The following ATP9A variants were observed in gnomAD, a reference collection of about 807,000 sequenced individuals.
ATP9A encodes probable phospholipid-transporting ATPase IIA.
In ATP9A, 52 loss-of-function variants were observed where a neutral mutation model predicts 144.1. The observed-to-expected ratio is 0.36, with a 90% CI of 0.29 to 0.45. The LOEUF (loss-of-function observed/expected upper bound fraction) is 0.45, where lower values mean the gene tolerates loss of function less well. Ranked by LOEUF, ATP9A falls within the 20% of genes least tolerant of loss-of-function variation. The pLI is 1.00. For missense variants in ATP9A, 947 were observed against 1,392.7 expected (o/e 0.68, Z 5.09); for synonymous variants, 582 against 557.4 (o/e 1.04, Z -0.62).
In ATP9A at chr20:51,596,599, C is replaced by T. The variant is rs550586875; in HGVS notation, c.*4612G>A. The T allele has an allele frequency of 5.9e-5, 9 of 152,024 alleles. No individual in the cohort carries two copies. The highest frequency in any genetic ancestry group is 1.0e-4 in the Non-Finnish European group (7 of 68,020). 9.4% of individuals were successfully genotyped at this position (152,024 alleles called of 1,614,324 possible). A position where few individuals can be genotyped will look rare whatever the true frequency, so the allele number is the denominator to read the frequency against. On this transcript the variant is annotated 3_prime_UTR_variant, in exon 28 of 28. Transcript: ENST00000338821. ...GACAATAGTACAAAATAATAAATAA[C>T]ATGCATTGATTTGGGGTTTTTTTTG...
chr20:51,693,787 T>C (rs575053790), intron 7 of ATP9A, among the ~76,000 whole-genome samples: 180 of 152,262 alleles, frequency 1.2e-3, no homozygotes, highest in African/African-American at 4.2e-3. Context: ...AGGCTCCTTA[T>C]GGTTTTTAGC....
In ATP9A at chr20:51,625,261, C is replaced by T. The variant is rs762290796; in HGVS notation, c.1947G>A (p.Thr649=). ...LEMEMELLCL[T]GVEDQLQADV... The stretch of plus-strand genomic sequence containing the variant: ...CTGCCTGCAGCTGGTCCTCCACGCC[C>T]GTCAGGCACAGCAGTTCCATCTCCA... Residue 649 remains threonine, a synonymous_variant, in exon 18 of 28, where the codon ACG becomes ACA. Transcript: ENST00000338821. 32 of 1,614,078 alleles carry T rather than the reference C, an allele frequency of 2.0e-5. No homozygotes were observed. Among genetic ancestry groups the T allele is most frequent in the East Asian group, 1.1e-4 (5 of 44,890 alleles).
chr20:51,669,868 T>G, intron 13 of ATP9A, 129 bp downstream of exon 13: 4 of 718,644 alleles, frequency 5.6e-6, no homozygotes, highest in Non-Finnish European at 7.0e-6. Context: ...CTGAATATGC[T>G]TAAAAAAAAA....
intron 13 of ATP9A, among the ~76,000 whole-genome samples, chr20:51,664,543 GCA>G (rs1390002303): frequency 6.6e-6 from 1 of 151,904 alleles, no homozygotes; most frequent in African/African-American, 2.4e-5. Context: ...AGCTGTGATG[GCA>G]CCACTGCACC....
rs1049922624 is a variant in ATP9A at position 51,665,792 on chromosome 20, G to T, written c.1293+4205C>A. On this transcript the variant is annotated intron_variant, in intron 13 of 27. Coordinates refer to ENST00000338821, the MANE Select transcript of ATP9A (RefSeq NM_006045.3). ...GAAAAACCATCACAAGTCCTTAGCT[G>T]GTTATAGTTTTCTCTCCTAATGTGT... Among the ~76,000 whole-genome samples the T allele has an allele frequency of 1.1e-4, 16 of 151,916 alleles. 1 individual carries two copies. In the South Asian group the frequency reaches 1.7e-3, roughly 16 times the overall value.
intron 1 of ATP9A, among the ~76,000 whole-genome samples, chr20:51,755,390 G>A (rs377718276): frequency 8.6e-5 from 13 of 151,786 alleles, no homozygotes; most frequent in East Asian, 1.9e-4. Flanking sequence ...AGCCAAGAAC[G>A]CGCCTCTGCA....
chr20:51,715,604 C>T (rs1326080317), intron 3 of ATP9A, among the ~76,000 whole-genome samples: 2 of 152,182 alleles, frequency 1.3e-5, no homozygotes, highest in Admixed American at 6.6e-5. Flanking sequence ...ATAAATACCA[C>T]CTCCTAAATT....
chr20:51,751,744 C>T (rs1012433110), intron 1 of ATP9A, among the ~76,000 whole-genome samples: 37 of 152,240 alleles, frequency 2.4e-4, no homozygotes, highest in African/African-American at 7.9e-4. Context: ...CCCACCACCA[C>T]GCCCGGCTAA....
Position 51,604,968 on chromosome 20 carries a change from G to A in ATP9A, c.2856C>T (p.His952=). 1.2e-6 allele frequency: 2 copies of A among 1,613,178 alleles called. No homozygotes were observed. Among genetic ancestry groups the A allele is most frequent in the Non-Finnish European group, 8.5e-7 (1 of 1,179,590 alleles). ...GCGAGGTGAAGGAGATGGCCACGAT[G>A]TGCACGAACTCCGACTCAAACAGCA... is the stretch of plus-strand genomic sequence containing the variant. ...ALLLFESEFV[H]IVAISFTSLI... is the part of the protein sequence containing the mutation. The change falls in exon 27 of 28, where the codon CAC becomes CAT. Residue 952 remains histidine (H), a synonymous_variant. Coordinates refer to ENST00000338821, the MANE Select transcript of ATP9A (RefSeq NM_006045.3).
chr20:51,692,059 A>G (rs1416700168), intron 7 of ATP9A, among the ~76,000 whole-genome samples: 1 of 152,252 alleles, frequency 6.6e-6, no homozygotes, highest in Non-Finnish European at 1.5e-5. Context: ...TCATAGAGAC[A>G]GAAAACAGAA....
chr20:51,642,147 T>C (rs2077322158), intron 14 of ATP9A, among the ~76,000 whole-genome samples: 1 of 151,992 alleles, frequency 6.6e-6, no homozygotes, highest in South Asian at 2.1e-4. Flanking sequence ...TGTTTTTTTT[T>C]GTTTGTTTTG....
chr20:51,713,808 A>T (rs1227338804), intron 3 of ATP9A, among the ~76,000 whole-genome samples: 1 of 152,210 alleles, frequency 6.6e-6, no homozygotes, highest in Non-Finnish European at 1.5e-5. Context: ...AATGTTTTCC[A>T]ATTTCCTTAA....
Position 51,661,423 on chromosome 20 carries a change from G to A in ATP9A, c.1294-4273C>T, listed in dbSNP as rs192079272. Among the ~76,000 whole-genome samples the A allele has an allele frequency of 4.0e-5, 6 of 151,374 alleles. No homozygotes were observed. In the East Asian group the frequency reaches 1.2e-3, roughly 29 times the overall value. On this transcript the variant is annotated intron_variant, in intron 13 of 27. Coordinates refer to ENST00000338821, the MANE Select transcript of ATP9A (RefSeq NM_006045.3). Reference sequence around the variant, plus strand: ...CTGTTGCCCAGGCTGGAGTGAAGAGGCATGATCACAGCTCACTGCAGCCTC... The same window carrying A: ...CTGTTGCCCAGGCTGGAGTGAAGAGACATGATCACAGCTCACTGCAGCCTC...
Position 51,736,533 on chromosome 20 carries a change from T to A in ATP9A, c.69-6555A>T, listed in dbSNP as rs2077763413. 2.0e-5 allele frequency among the ~76,000 whole-genome samples: 3 copies of A among 152,082 alleles called. No homozygotes were observed. In the South Asian group the frequency reaches 6.2e-4, roughly 32 times the overall value. On this transcript the variant is annotated intron_variant, in intron 1 of 27. Transcript: ENST00000338821. ...TTTGTTTTTGTTTTTTTTTCCTTTTTCTGGAGAACGAGGTCTCGCTATATT... is the reference window on the plus strand; with the variant it reads ...TTTGTTTTTGTTTTTTTTTCCTTTTACTGGAGAACGAGGTCTCGCTATATT...
chr20:51,731,481 G>A (rs981653836), intron 1 of ATP9A, among the ~76,000 whole-genome samples: 3 of 152,046 alleles, frequency 2.0e-5, no homozygotes, highest in Admixed American at 6.6e-5. Context: ...ACTTTGGGAG[G>A]CCGAGGCAGG....
intron 1 of ATP9A, among the ~76,000 whole-genome samples, chr20:51,740,191 G>A (rs1332932440): frequency 6.6e-6 from 1 of 151,752 alleles, no homozygotes; most frequent in Non-Finnish European, 1.5e-5. Flanking sequence ...CGAGTAGCTG[G>A]GACTACAGGC....
intron 3 of ATP9A, among the ~76,000 whole-genome samples, chr20:51,725,557 A>G (rs1168376686): frequency 1.3e-5 from 2 of 152,234 alleles, no homozygotes; most frequent in Admixed American, 6.5e-5. Flanking sequence ...ATAAACATAC[A>G]ATAAATCCTT....
intron 4 of ATP9A, among the ~76,000 whole-genome samples, chr20:51,698,383 T>A (rs2077579204): frequency 6.6e-6 from 1 of 152,138 alleles, no homozygotes; most frequent in South Asian, 2.1e-4. Context: ...ATTAGCTGGA[T>A]GTGGTGGCAC....
chr20:51,686,926 CT>C (rs11086353), intron 9 of ATP9A, among the ~76,000 whole-genome samples: 252 of 142,534 alleles, frequency 1.8e-3, no homozygotes, highest in Middle Eastern at 3.7e-3. Context: ...CAGAGGGACT[CT>C]TTTTTTTTTT....
Sources: gnomAD v4.1 joint callset for allele counts (sites outside exome capture counted in the v4.1 genomes callset) on GRCh38, gnomAD v4.1.1 for gene constraint, MANE v1.5 for transcripts, NCBI Gene and HGNC (gene_info 2026-07-23, HGNC 2026-07-21) for gene names.